The following FCGR2B variants were observed in gnomAD, a reference collection of about 807,000 sequenced individuals.
The protein encoded by FCGR2B is Fc gamma receptor IIb, also known as low affinity immunoglobulin gamma Fc region receptor II-b.
A neutral mutation model predicts 24.8 loss-of-function variants in FCGR2B; 18 were observed. The observed-to-expected ratio is 0.73, with a 90% CI of 0.50 to 1.08. The LOEUF is 1.08. FCGR2B is among the 50% of genes least tolerant of loss of function. The pLI is 0.00. For synonymous variants in FCGR2B, 79 were observed against 109.8 expected (o/e 0.72, Z 1.75); for missense variants, 215 against 297.6 (o/e 0.72, Z 2.04).
chr1:161,661,278 G>A (rs1213923248), upstream of FCGR2B, among the ~76,000 whole-genome samples: 1 of 136,224 alleles, frequency 7.3e-6, no homozygotes, highest in African/African-American at 2.8e-5. Context: ...AAGCAAGAAA[G>A]GAAGAAAGAG....
Position 161,672,955 on chromosome 1 carries a change from C to T in FCGR2B, c.392-20C>T, listed in dbSNP as rs4657088. ...GAGCCAAGACCTCCCGGGTCCTCTG[C>T]GGTTTTTTGTGTCTTTCAGAGTGGC... On this transcript the variant is annotated intron_variant, in intron 3 of 7. Transcript: ENST00000358671. 1.0e-4 allele frequency: 167 copies of T among 1,612,556 alleles called. 1 individual carries two copies. In the African/African-American group the frequency reaches 1.4e-3, roughly 13 times the overall value.
chr1:161,673,853 A>G (rs2045572), intron 4 of FCGR2B, 107 bp from the exon 5 acceptor site: 7,886 of 440,986 alleles, frequency 0.018, 608 homozygotes, highest in African/African-American at 0.15. Flanking sequence ...GAAGTGAGTG[A>G]CTCAGACACA....
intron 6 of FCGR2B, chr1:161,676,623 G>A (rs1233474553): frequency 6.4e-6 from 1 of 155,188 alleles, no homozygotes; most frequent in African/African-American, 2.4e-5. Context: ...GGCAATAAAG[G>A]CTCTCTATGT....
chr1:161,675,934 C>G (rs1682088637), intron 6 of FCGR2B: 1 of 232,686 alleles, frequency 4.3e-6, no homozygotes, highest in African/African-American at 2.2e-5. Flanking sequence ...TGGTTCTGCC[C>G]TCATCACACA....
the FCGR2B span, among the ~76,000 whole-genome samples, chr1:161,653,314 G>A: frequency 6.0e-5 from 8 of 132,626 alleles, no homozygotes; most frequent in Admixed American, 2.5e-4. Context: ...GAGGCAGGTG[G>A]AGAATTGCTT....
chr1:161,671,172 C>T (rs1681616686), intron 2 of FCGR2B, among the ~76,000 whole-genome samples: 1 of 152,170 alleles, frequency 6.6e-6, no homozygotes, highest in Non-Finnish European at 1.5e-5. Context: ...CTGCTCCCTC[C>T]TTCTTCCCTG....
Position 161,671,400 on chromosome 1 carries a change from C to G in FCGR2B, c.142C>G (p.Pro48Ala), listed in dbSNP as rs373934912. Residue 48 changes from proline to alanine, a missense_variant, in exon 3 of 8, where the codon CCA (proline) becomes GCA (alanine). Pro to Ala is a conservative substitution (Grantham distance 27). This residue lies in a region of FCGR2B where 77 missense variants were observed against 68.8 expected (regional missense o/e 1.12). Transcript: ENST00000358671. Reference sequence around the variant, plus strand: ...CTCTCTCTGCCCCTCAGCAGCTCCCCCAAAGGCTGTGCTGAAACTCGAGCC... The same window carrying G: ...CTCTCTCTGCCCCTCAGCAGCTCCCGCAAAGGCTGTGCTGAAACTCGAGCC... ...APVAGTPAAP[P>A]KAVLKLEPQW... The G allele has an allele frequency of 2.2e-5, 36 of 1,614,180 alleles. 1 individual carries two copies. The highest frequency in any genetic ancestry group is 2.2e-4 in the South Asian group (20 of 91,084).
chr1:161,669,875 C>A (rs933477850), intron 1 of FCGR2B, among the ~76,000 whole-genome samples: 1 of 66,610 alleles, frequency 1.5e-5, no homozygotes, highest in African/African-American at 5.1e-5. Context: ...CCCCTCCCAA[C>A]AAAAGAACAA....
rs765636549 is a variant in FCGR2B at position 161,673,448 on chromosome 1, C to A, written c.646+219C>A. On this transcript the variant is annotated intron_variant, in intron 4 of 7. Coordinates refer to ENST00000358671, the MANE Select transcript of FCGR2B (RefSeq NM_001394477.1). ...GGTGATAGGTGACCAGGCTGTTGTT[C>A]CACTTTGAAATGCAGGCCCCAGACT... The A allele has an allele frequency of 1.3e-5, 10 of 753,484 alleles. No individual in the cohort carries two copies. In the East Asian group the frequency reaches 2.0e-4, roughly 15 times the overall value. The allele number at this position is 753,484 out of a possible 1,614,324, so 46.7% of individuals were successfully genotyped here. A position where few individuals can be genotyped will look rare whatever the true frequency, so the allele number is the denominator to read the frequency against.
In FCGR2B at chr1:161,672,788, G is replaced by A. The variant is rs1419455965; in HGVS notation, c.392-187G>A. ...CATTTTCACGAATGAGGAAACTGAGGCTCAGAAGACTTAAATTATTTGCCC... is the reference window on the plus strand; with the variant it reads ...CATTTTCACGAATGAGGAAACTGAGACTCAGAAGACTTAAATTATTTGCCC... On this transcript the variant is annotated intron_variant, in intron 3 of 7. Coordinates refer to ENST00000358671, the MANE Select transcript of FCGR2B (RefSeq NM_001394477.1). 8.4e-6 allele frequency: 8 copies of A among 952,522 alleles called. No homozygotes were observed. In the African/African-American group the frequency reaches 1.0e-4, roughly 12 times the overall value. The allele number at this position is 952,522 out of a possible 1,614,324, so 59.0% of individuals were successfully genotyped here. A position where few individuals can be genotyped will look rare whatever the true frequency, so the allele number is the denominator to read the frequency against.
intron 5 of FCGR2B, 87 bp from the exon 6 acceptor site, chr1:161,675,170 T>G: frequency 1.1e-6 from 1 of 871,270 alleles, no homozygotes; most frequent in Non-Finnish European, 1.8e-6. Flanking sequence ...CCTGAGCTGG[T>G]CCCATCCAAC....
At position 161,673,448 on chromosome 1, in the gene FCGR2B, C is replaced by T. The variant is rs765636549; in HGVS notation, c.646+219C>T. The T allele has an allele frequency of 3.5e-5, 26 of 753,486 alleles. No individual in the cohort carries two copies. The East Asian group carries it at 6.3e-4, about 18-fold the overall frequency. The allele number at this position is 753,486 out of a possible 1,614,324, so 46.7% of individuals were successfully genotyped here. A position where few individuals can be genotyped will look rare whatever the true frequency, so the allele number is the denominator to read the frequency against. On this transcript the variant is annotated intron_variant, in intron 4 of 7. Coordinates refer to ENST00000358671, the MANE Select transcript of FCGR2B (RefSeq NM_001394477.1). ...GGTGATAGGTGACCAGGCTGTTGTT[C>T]CACTTTGAAATGCAGGCCCCAGACT...
At chr1:161,647,991 G>A in the FCGR2B span, among the ~76,000 whole-genome samples, 1 of 150,802 alleles carries the variant, frequency 6.6e-6, no homozygotes, top group African/African-American at 2.4e-5. Flanking sequence ...AAGGCTTTAT[G>A]GAGAAGGAGT....
chr1:161,653,175 A>G, the FCGR2B span, among the ~76,000 whole-genome samples: 25 of 134,078 alleles, frequency 1.9e-4, 8 homozygotes, highest in Admixed American at 1.8e-3. Context: ...AAGCTGAGGC[A>G]GGTGGATCAC....
At chr1:161,652,045 A>AGTGTGTGTGT in the FCGR2B span, among the ~76,000 whole-genome samples, 824 of 104,606 alleles carry the variant, frequency 7.9e-3, 9 homozygotes, top group Middle Eastern at 0.023. Context: ...TATGTTTAGG[A>AGTGTGTGTGT]GTGTGTGTGT....
the FCGR2B span, among the ~76,000 whole-genome samples, chr1:161,650,401 C>T: frequency 7.4e-3 from 1,064 of 144,520 alleles, 114 homozygotes; most frequent in African/African-American, 0.026. Context: ...AAGTGTTGGC[C>T]GGAGATAAAG....
chr1:161,669,495 G>A (rs4657086), intron 1 of FCGR2B, among the ~76,000 whole-genome samples: 16,031 of 139,176 alleles, frequency 0.12, 2,466 homozygotes, highest in Middle Eastern at 0.2. Flanking sequence ...ACTTGAACCT[G>A]GGAGGCGGAG....
intron 3 of FCGR2B, chr1:161,672,564 C>G (rs1296289179): frequency 1.0e-5 from 3 of 286,388 alleles, no homozygotes; most frequent in Non-Finnish European, 1.9e-5. Flanking sequence ...CATATGCGGA[C>G]TCCTCGGTCA....
the FCGR2B span, among the ~76,000 whole-genome samples, chr1:161,650,119 T>G: frequency 6.7e-6 from 1 of 149,880 alleles, no homozygotes; most frequent in Non-Finnish European, 1.5e-5. Context: ...GTGATTCTCC[T>G]GCTTCAGCCT....
Sources: allele counts gnomAD v4.1 joint callset (sites outside exome capture counted in the v4.1 genomes callset), GRCh38; gene constraint gnomAD v4.1.1; regional missense constraint gnomAD v4.1.1; transcripts MANE v1.5; gene names NCBI Gene and HGNC (gene_info 2026-07-23, HGNC 2026-07-21).